The following GNE variants were observed in gnomAD, a reference collection of about 807,000 sequenced individuals.
The protein encoded by GNE is glucosamine (UDP-N-acetyl)-2-epimerase/N-acetylmannosamine kinase.
A neutral mutation model predicts 61.8 loss-of-function variants in GNE; 41 were observed. The observed-to-expected ratio is 0.66, with a 90% CI of 0.52 to 0.86. GNE has a LOEUF of 0.86. Among genes scored for constraint, GNE ranks in the 40% least tolerant of loss-of-function variants. The probability of loss-of-function intolerance (pLI) is 0.00; values close to 1 mark genes in which losing one functional copy is unlikely to be tolerated. For missense variants in GNE, 608 were observed against 909.1 expected (o/e 0.67, Z 4.26); for synonymous variants, 264 against 326.4 (o/e 0.81, Z 2.06).
Position 36,217,560 on chromosome 9 carries a change from A to T in GNE, c.1974T>A (p.His658Gln), listed in dbSNP as rs1369655917. The change falls in exon 12 of 12, where the codon CAT (histidine) becomes CAA (glutamine). Residue 658 changes from histidine (H) to glutamine (Q), a missense_variant. His to Gln is a conservative substitution (Grantham distance 24). Transcript: ENST00000642385. ...ALGLGVVNIL[H>Q]TMNPSLVILS... ...GGATCACAAGGGAGGGATTCATGGTATGGAGGATGTTCACAACCCCAAGAC... is the reference window on the plus strand; with the variant it reads ...GGATCACAAGGGAGGGATTCATGGTTTGGAGGATGTTCACAACCCCAAGAC... The T allele has an allele frequency of 1.9e-6, 3 of 1,613,974 alleles. No individual in the cohort carries two copies. The highest frequency in any genetic ancestry group is 2.5e-6 in the Non-Finnish European group (3 of 1,179,914).
At chr9:36,239,038 T>C (rs1829525007) in intron 3 of GNE, among the ~76,000 whole-genome samples, 1 of 152,220 alleles carries the variant, frequency 6.6e-6, no homozygotes, top group African/African-American at 2.4e-5. Flanking sequence ...ATCAGTTGGC[T>C]GTAAGTATTT....
intron 1 of GNE, among the ~76,000 whole-genome samples, chr9:36,252,745 T>C (rs982327758): frequency 6.6e-6 from 1 of 152,198 alleles, no homozygotes; most frequent in African/African-American, 2.4e-5. Flanking sequence ...TCACATGGTT[T>C]AAAATTGAAA....
intron 1 of GNE, among the ~76,000 whole-genome samples, chr9:36,271,349 A>C (rs968771837): frequency 6.6e-6 from 1 of 152,152 alleles, no homozygotes; most frequent in Non-Finnish European, 1.5e-5. Flanking sequence ...TTCCCGGAGC[A>C]CTTGTCTTTA....
At position 36,217,424 on chromosome 9, in the gene GNE, G is replaced by C; in HGVS notation, c.2110C>G (p.Pro704Ala). The change falls in exon 12 of 12, where the codon CCC becomes GCC. Residue 704 changes from proline to alanine, a missense_variant. Coordinates refer to ENST00000642385, the MANE Select transcript of GNE (RefSeq NM_005476.7). ...ATGCTGGCAGCACCCAGCAGGGCGG[G>C]GTCAACCAAATCCGAAACCACCACA... ...VDVVVSDLVD[P>A]ALLGAASMVL... 1 of 1,614,104 alleles carries C rather than the reference G, an allele frequency of 6.2e-7. No homozygotes were observed. Among genetic ancestry groups the C allele is most frequent in the Non-Finnish European group, 8.5e-7 (1 of 1,180,016 alleles).
Position 36,246,408 on chromosome 9 carries a change from T to C in GNE, c.239A>G (p.Asp80Gly). The C allele has an allele frequency of 6.2e-7, 1 of 1,613,946 alleles. No homozygotes were observed. Among genetic ancestry groups the C allele is most frequent in the Non-Finnish European group, 8.5e-7 (1 of 1,179,842 alleles). Reference sequence around the variant, plus strand: ...TACTGACTCCACCATGGCTGCCTCATCTTCTCCCCTCACAATTGTGTGTAG... The same window carrying C: ...TACTGACTCCACCATGGCTGCCTCACCTTCTCCCCTCACAATTGTGTGTAG... ...TRLHTIVRGEDEAAMVESVGL... is the reference protein window; with the variant it reads ...TRLHTIVRGEGEAAMVESVGL... Residue 80 changes from aspartate (D) to glycine (G), a missense_variant, in exon 3 of 12, where the codon GAT becomes GGT. By Grantham distance (94) the Asp-to-Gly change is moderately conservative. Transcript: ENST00000642385.
At chr9:36,222,367 C>G (rs1349979683) in intron 9 of GNE, among the ~76,000 whole-genome samples, 1 of 146,114 alleles carries the variant, frequency 6.8e-6, no homozygotes. Flanking sequence ...TGCAGTGAGC[C>G]GAGATCCCGC....
At chr9:36,245,986 C>T in intron 3 of GNE, 45 bp downstream of exon 3, 8 of 1,427,900 alleles carry the variant, frequency 5.6e-6, no homozygotes, top group Non-Finnish European at 7.9e-6. Flanking sequence ...GGAACATTTT[C>T]TGACAAAAAC....
chr9:36,232,598 C>T (rs1240057855), intron 5 of GNE, among the ~76,000 whole-genome samples: 1 of 152,164 alleles, frequency 6.6e-6, no homozygotes, highest in African/African-American at 2.4e-5. Context: ...TTGCCACTGC[C>T]TCTCCCTGAT....
At chr9:36,232,645 C>T (rs1829224415) in intron 5 of GNE, among the ~76,000 whole-genome samples, 1 of 152,190 alleles carries the variant, frequency 6.6e-6, no homozygotes, top group Non-Finnish European at 1.5e-5. Flanking sequence ...CAGATTTCAG[C>T]TTAGGTGTCA....
intron 3 of GNE, among the ~76,000 whole-genome samples, chr9:36,241,788 T>C (rs1392828014): frequency 6.6e-6 from 1 of 152,168 alleles, no homozygotes; most frequent in Non-Finnish European, 1.5e-5. Flanking sequence ...GCTGCAATGT[T>C]ATATATGGCC....
intron 6 of GNE, among the ~76,000 whole-genome samples, chr9:36,228,809 A>G (rs996514276): frequency 6.6e-6 from 1 of 151,698 alleles, no homozygotes; most frequent in Non-Finnish European, 1.5e-5. Context: ...AAAAAAAAAA[A>G]AAAAGAAATA....
upstream of GNE, among the ~76,000 whole-genome samples, chr9:36,262,247 A>G (rs2133177721): frequency 6.6e-6 from 1 of 152,288 alleles, no homozygotes; most frequent in South Asian, 2.1e-4. Context: ...ACATTTTGAG[A>G]ATTGTATGCA....
chr9:36,226,339 A>ATTTTTTT (rs35541515), intron 7 of GNE, among the ~76,000 whole-genome samples: 4 of 141,236 alleles, frequency 2.8e-5, no homozygotes, highest in Non-Finnish European at 1.5e-5. Context: ...TGCCCAGCTA[A>ATTTTTTT]TTTTTTTTTT....
chr9:36,217,455 G>A lies in GNE; in HGVS notation c.2079C>T (p.Asp693=), dbSNP rs548244588. 1.3e-5 allele frequency: 21 copies of A among 1,614,112 alleles called. No individual in the cohort carries two copies. Among genetic ancestry groups the A allele is most frequent in the African/African-American group, 9.3e-5 (7 of 75,012 alleles). ...IRQQALSSVQ[D]VDVVVSDLVD... is the part of the protein sequence containing the mutation. ...CCAAATCCGAAACCACCACATCCACGTCCTGCACGGAGGACAAGGCCTGCT... is the reference window on the plus strand; with the variant it reads ...CCAAATCCGAAACCACCACATCCACATCCTGCACGGAGGACAAGGCCTGCT... Residue 693 remains aspartate (D), a synonymous_variant, in exon 12 of 12, where the codon GAC becomes GAT. Coordinates refer to ENST00000642385, the MANE Select transcript of GNE (RefSeq NM_005476.7).
chr9:36,233,270 A>T (rs1287521943), intron 5 of GNE, among the ~76,000 whole-genome samples: 1 of 152,238 alleles, frequency 6.6e-6, no homozygotes, highest in Non-Finnish European at 1.5e-5. Context: ...TACTGACTGA[A>T]GGGATTCTAC....
chr9:36,272,620 C>CA (rs58934783), intron 1 of GNE, among the ~76,000 whole-genome samples: 964 of 74,080 alleles, frequency 0.013, 28 homozygotes, highest in South Asian at 0.063. Flanking sequence ...GACTCCGCCT[C>CA]AAAAAAAAAA....
intron 6 of GNE, among the ~76,000 whole-genome samples, chr9:36,228,760 C>T (rs1713980157): frequency 1.4e-5 from 2 of 139,442 alleles, no homozygotes; most frequent in African/African-American, 5.4e-5. Flanking sequence ...CGCCACTGCA[C>T]TCTATCCTGG....
At chr9:36,239,664 G>A (rs889658781) in intron 3 of GNE, among the ~76,000 whole-genome samples, 1 of 151,616 alleles carries the variant, frequency 6.6e-6, no homozygotes, top group Non-Finnish European at 1.5e-5. Flanking sequence ...GTAGAGTCAG[G>A]GTTTCACCAT....
chr9:36,275,327 A>G (rs1459997754), intron 1 of GNE, among the ~76,000 whole-genome samples: 6 of 152,176 alleles, frequency 3.9e-5, no homozygotes, highest in Admixed American at 1.3e-4. Flanking sequence ...TTACATTTTA[A>G]AAGAGTATTT....
Sources: gnomAD v4.1 joint callset for allele counts (sites outside exome capture counted in the v4.1 genomes callset) on GRCh38, gnomAD v4.1.1 for gene constraint, MANE v1.5 for transcripts, NCBI Gene and HGNC (gene_info 2026-07-23, HGNC 2026-07-21) for gene names.